Variants in ZNF619 observed in about 807,000 individuals in gnomAD.
ZNF619 encodes zinc finger protein 619.
A neutral mutation model predicts 14.2 loss-of-function variants in ZNF619; 9 were observed. That is an observed-to-expected ratio of 0.64 (90% CI 0.38 to 1.11). ZNF619 has a LOEUF of 1.11. Ranked by LOEUF, ZNF619 falls within the 50% of genes least tolerant of loss-of-function variation. The pLI is 0.01. For missense variants in ZNF619, 659 were observed against 680.1 expected, an observed-to-expected ratio of 0.97 and a Z score of 0.34; for synonymous variants, 246 against 252.8, an observed-to-expected ratio of 0.97 and a Z score of 0.26.
At chr3:40,479,362 C>T (rs1697308812) in intron 2 of ZNF619, among the ~76,000 whole-genome samples, 1 of 152,166 alleles carries the variant, frequency 6.6e-6, no homozygotes, top group African/African-American at 2.4e-5. Flanking sequence ...GGTACACACA[C>T]ACCTGTCAGT....
rs372214247 is a variant in ZNF619, at chr3:40,487,201, C to T, written c.691C>T (p.Pro231Ser). 1 of 1,614,058 alleles carries T rather than the reference C, an allele frequency of 6.2e-7. No homozygotes were observed. The highest frequency in any genetic ancestry group is 8.5e-7 in the Non-Finnish European group (1 of 1,180,054). The change falls in exon 5 of 5, where the codon CCC (proline) becomes TCC (serine). Residue 231 changes from proline (P) to serine (S), a missense_variant. Physicochemically the swap from Pro to Ser is moderately conservative, Grantham distance 74 (BLOSUM62 -1). Transcript: ENST00000432264. ...LHQRVHTNEK[P>S]YTCKECGKTF... is the part of the protein sequence containing the mutation. ...TCAGAGAGTTCACACTAATGAGAAGCCCTACACATGCAAAGAATGTGGGAA... is the reference window on the plus strand; with the variant it reads ...TCAGAGAGTTCACACTAATGAGAAGTCCTACACATGCAAAGAATGTGGGAA...
rs1159456825 is a variant in ZNF619, at chr3:40,481,859, G to T, written c.25-4G>T. The T allele has an allele frequency of 6.3e-7, 1 of 1,598,908 alleles. No individual in the cohort carries two copies. On this transcript the variant is annotated splice_region_variant and splice_polypyrimidine_tract_variant and intron_variant, in intron 2 of 4. Transcript: ENST00000432264. ...TTCAGGCCTCTCCCTCTGTTCTTGT[G>T]CAGGGCTTGGGCAGGAACCTGTTGT...
At chr3:40,482,275 A>C in intron 3 of ZNF619, 1 of 1,551,928 alleles carries the variant, frequency 6.4e-7, no homozygotes, top group Non-Finnish European at 8.7e-7. Flanking sequence ...AGAACTGAGA[A>C]GGTTCCTGGT....
chr3:40,484,704 G>GT (rs1697522722), intron 4 of ZNF619, among the ~76,000 whole-genome samples: 1 of 152,202 alleles, frequency 6.6e-6, no homozygotes, highest in Admixed American at 6.5e-5. Flanking sequence ...GAGGAACTGA[G>GT]TTTTTAATTT....
chr3:40,482,277 G>T lies in ZNF619; in HGVS notation c.178+261G>T, dbSNP rs983907159. The T allele has an allele frequency of 2.6e-6, 4 of 1,551,818 alleles. No individual in the cohort carries two copies. In the African/African-American group the frequency reaches 5.5e-5, roughly 21 times the overall value. The stretch of plus-strand genomic sequence containing the variant: ...TCTGGATACAGAGAGAACTGAGAAG[G>T]TTCCTGGTGCACTGTCTTCATTCCT... On this transcript the variant is annotated intron_variant, in intron 3 of 4. Transcript: ENST00000432264.
chr3:40,477,884 G>A (rs917440954), intron 1 of ZNF619, 34 bp from the exon 2 acceptor site: 2 of 1,240,118 alleles, frequency 1.6e-6, no homozygotes, highest in Non-Finnish European at 2.3e-6. Context: ...TGTAGGAGAC[G>A]AGACAGATCA....
chr3:40,483,737 T>C, intron 4 of ZNF619: 1 of 408,784 alleles, frequency 2.4e-6, no homozygotes, highest in Non-Finnish European at 4.9e-6. Context: ...CAAGCGATTC[T>C]CCTGCCTCAA....
chr3:40,483,077 G>A (rs72866434), intron 4 of ZNF619, among the ~76,000 whole-genome samples: 4,258 of 152,152 alleles, frequency 0.028, 213 homozygotes, highest in African/African-American at 0.098. Context: ...GGGCATGGTG[G>A]CATGTGCCTA....
In ZNF619 at chr3:40,488,065, C is replaced by T. The variant is rs773799014; in HGVS notation, c.1555C>T (p.Pro519Ser). 1.1e-5 allele frequency: 18 copies of T among 1,614,110 alleles called. No individual in the cohort carries two copies. The East Asian group carries it at 4.0e-4, about 36-fold the overall frequency. Residue 519 changes from proline (P) to serine (S), a missense_variant, in exon 5 of 5, where the codon CCC (proline) becomes TCC (serine). Transcript: ENST00000432264. The part of the protein sequence containing the change: ...TCSALAPPGP[P>S]LSSSHAVVLP... ...CTCTGCCCTAGCCCCACCAGGGCCT[C>T]CCTTATCTTCTTCACATGCAGTGGT...
intron 4 of ZNF619, 118 bp downstream of exon 4, chr3:40,482,822 C>A: frequency 1.3e-6 from 1 of 745,012 alleles, no homozygotes. Context: ...AAAATAGTCA[C>A]TCTTATTCAA....
chr3:40,483,542 C>T (rs1031009665), intron 4 of ZNF619: 4 of 416,742 alleles, frequency 9.6e-6, no homozygotes, highest in African/African-American at 6.2e-5. Context: ...GCCCCACCCT[C>T]GGCCTCCCAA....
At chr3:40,482,053 C>A in intron 3 of ZNF619, 37 bp downstream of exon 3, 1 of 1,568,520 alleles carries the variant, frequency 6.4e-7, no homozygotes, top group Non-Finnish European at 8.6e-7. Flanking sequence ...CAGCTTCTGC[C>A]CTTGGGAGCT....
Position 40,482,642 on chromosome 3 carries a change from C to G in ZNF619, c.233C>G (p.Ala78Gly), listed in dbSNP as rs563085674. 15 of 1,614,188 alleles carry G rather than the reference C, an allele frequency of 9.3e-6. No homozygotes were observed. The Middle Eastern group carries it at 6.6e-4, about 71-fold the overall frequency. Residue 78 changes from alanine to glycine, a missense_variant, in exon 4 of 5, where the codon GCA becomes GGA. Transcript: ENST00000432264. ...DLIFQLEQGE[A>G]AWGPDPWTLA... ...ATATTCCAGCTGGAGCAAGGAGAAGCAGCATGGGGCCCAGATCCCTGGACA... is the reference window on the plus strand; with the variant it reads ...ATATTCCAGCTGGAGCAAGGAGAAGGAGCATGGGGCCCAGATCCCTGGACA...
chr3:40,483,356 T>C (rs1426199545), intron 4 of ZNF619, among the ~76,000 whole-genome samples: 1 of 151,002 alleles, frequency 6.6e-6, no homozygotes, highest in African/African-American at 2.4e-5. Context: ...AGTGGCGCAG[T>C]TGTGGTTCAC....
Position 40,489,846 on chromosome 3 carries a change from TG to T in ZNF619, c.*1607del, listed in dbSNP as rs1697753592. On this transcript the variant is annotated 3_prime_UTR_variant, in exon 5 of 5. Coordinates refer to ENST00000432264, the MANE Select transcript of ZNF619 (RefSeq NM_001145093.4). ...CCCTATGATTAAATCTGAATTTTAT[TG>T]GTGGCACTTTTAAATTAGTTTTATA... is the stretch of plus-strand genomic sequence containing the variant. 1 of 152,230 alleles carries T rather than the reference TG, an allele frequency of 6.6e-6. No homozygotes were observed. The highest frequency in any genetic ancestry group is 2.4e-5 in the African/African-American group (1 of 41,456). 9.4% of individuals were successfully genotyped at this position (152,230 alleles called of 1,614,324 possible).
chr3:40,487,419 G>C lies in ZNF619; in HGVS notation c.909G>C (p.Leu303=), dbSNP rs769372724. ...AAACCTTCAGTTATAATTCAAAACT[G>C]ATTCGGCATCAGAGAATCCATACTG... is the stretch of plus-strand genomic sequence containing the variant. The part of the protein sequence containing the change: ...CGKTFSYNSK[L]IRHQRIHTGE... The change falls in exon 5 of 5, where the codon CTG becomes CTC. Residue 303 remains leucine, a synonymous_variant. Transcript: ENST00000432264. 6.2e-7 allele frequency: 1 copy of C among 1,614,192 alleles called. No individual in the cohort carries two copies. The highest frequency in any genetic ancestry group is 1.7e-5 in the Admixed American group (1 of 60,022).
rs146501133 is a variant in ZNF619 at position 40,487,316 on chromosome 3, T to C, written c.806T>C (p.Phe269Ser). Residue 269 changes from phenylalanine to serine, a missense_variant, in exon 5 of 5, where the codon TTC becomes TCC. Coordinates refer to ENST00000432264, the MANE Select transcript of ZNF619 (RefSeq NM_001145093.4). ...PYSCEECGQA[F>S]SQNSHLLQHQ... Reference sequence around the variant, plus strand: ...TCATGTGAGGAATGTGGACAAGCCTTCAGTCAAAATTCCCACCTTCTTCAG... The same window carrying C: ...TCATGTGAGGAATGTGGACAAGCCTCCAGTCAAAATTCCCACCTTCTTCAG... The C allele has an allele frequency of 4.6e-4, 746 of 1,614,158 alleles. 10 individuals carry two copies. The South Asian group carries it at 7.4e-3, about 16-fold the overall frequency.
At chr3:40,483,547 TC>T in intron 4 of ZNF619, 1 of 422,736 alleles carries the variant, frequency 2.4e-6, no homozygotes, top group East Asian at 7.4e-5. Flanking sequence ...ACCCTCGGCC[TC>T]CCAAAGTGCT....
chr3:40,487,517 G>A lies in ZNF619; in HGVS notation c.1007G>A (p.Arg336Gln), dbSNP rs143973123. The A allele has an allele frequency of 1.3e-4, 202 of 1,614,040 alleles. No homozygotes were observed. The highest frequency in any genetic ancestry group is 6.8e-4 in the Admixed American group (41 of 60,002). ...AGCTATGACTGCATCATCCATGAAC[G>A]AATTCACAATGGGGAGAAGCCCTAT... is the stretch of plus-strand genomic sequence containing the variant. Reference protein sequence around the residue: ...SCSYDCIIHERIHNGEKPYEC... With the variant: ...SCSYDCIIHEQIHNGEKPYEC... Residue 336 changes from arginine to glutamine, a missense_variant, in exon 5 of 5, where the codon CGA becomes CAA. Physicochemically the swap from Arg to Gln is conservative, Grantham distance 43. Coordinates refer to ENST00000432264, the MANE Select transcript of ZNF619 (RefSeq NM_001145093.4).
Sources: allele counts gnomAD v4.1 joint callset (sites outside exome capture counted in the v4.1 genomes callset), GRCh38; gene constraint gnomAD v4.1.1; transcripts MANE v1.5; gene names NCBI Gene and HGNC (gene_info 2026-07-23, HGNC 2026-07-21).